SNTG1: variants seen among roughly 807,000 people sequenced by gnomAD.
SNTG1 encodes the protein gamma-1-syntrophin.
Under a neutral mutation model 74.7 loss-of-function variants are expected in SNTG1, and 39 were observed. That is an observed-to-expected ratio of 0.52 (90% confidence interval 0.40 to 0.68). SNTG1 has a LOEUF of 0.68. SNTG1 is among the 30% of genes least tolerant of loss of function. SNTG1 has a pLI of 0.00. For missense variants in SNTG1, 685 were observed against 609.5 expected, an observed-to-expected ratio of 1.12 and a Z score of -1.30; for synonymous variants, 254 against 217.1, an observed-to-expected ratio of 1.17 and a Z score of -1.49.
chr8:50,211,529 C>A (rs2084520758), intron 2 of SNTG1, among the ~76,000 whole-genome samples: 1 of 151,938 alleles, frequency 6.6e-6, no homozygotes, highest in South Asian at 2.1e-4. Flanking sequence ...CTCAGTTGCA[C>A]CAATGAGATT....
chr8:50,485,517 G>A (rs993400645), intron 8 of SNTG1, among the ~76,000 whole-genome samples: 5 of 151,420 alleles, frequency 3.3e-5, no homozygotes, highest in Non-Finnish European at 7.4e-5. Context: ...TGATGGGGTT[G>A]TTTGTTTTTT....
At chr8:50,697,292 T>C (rs1563756215) in intron 15 of SNTG1, among the ~76,000 whole-genome samples, 2 of 152,166 alleles carry the variant, frequency 1.3e-5, no homozygotes, top group Non-Finnish European at 2.9e-5. Flanking sequence ...TGTGAAACTT[T>C]ATTGAATTTA....
intron 1 of SNTG1, among the ~76,000 whole-genome samples, chr8:50,051,269 CAA>C (rs61474153): frequency 4.0e-5 from 6 of 149,252 alleles, no homozygotes; most frequent in South Asian, 2.1e-4. Flanking sequence ...CACACACACA[CAA>C]ACAAACAAGA....
At chr8:50,129,965 C>A (rs1486086613) in intron 1 of SNTG1, among the ~76,000 whole-genome samples, 1 of 151,920 alleles carries the variant, frequency 6.6e-6, no homozygotes, top group Admixed American at 6.6e-5. Flanking sequence ...ACCAGAAATT[C>A]ATATAAAGAG....
At chr8:50,725,327 C>G (rs943402849) in intron 17 of SNTG1, among the ~76,000 whole-genome samples, 20 of 152,082 alleles carry the variant, frequency 1.3e-4, no homozygotes, top group African/African-American at 4.8e-4. Flanking sequence ...TTCTTATCAA[C>G]TTTATGATAT....
chr8:50,154,118 C>T (rs2082171733), intron 1 of SNTG1, among the ~76,000 whole-genome samples: 1 of 152,116 alleles, frequency 6.6e-6, no homozygotes. Context: ...ACCCCTCCCC[C>T]AGCCTCGCTG....
At chr8:50,254,036 C>T (rs547849052) in intron 2 of SNTG1, among the ~76,000 whole-genome samples, 28 of 151,924 alleles carry the variant, frequency 1.8e-4, no homozygotes, top group Non-Finnish European at 1.6e-4. Flanking sequence ...AAAACAGAAA[C>T]GAGAGGATTT....
chr8:50,007,685 G>A (rs1186074151), intron 1 of SNTG1, among the ~76,000 whole-genome samples: 1 of 152,188 alleles, frequency 6.6e-6, no homozygotes, highest in East Asian at 1.9e-4. Flanking sequence ...AAGAGTCACA[G>A]TGAGCTAAGA....
intron 13 of SNTG1, among the ~76,000 whole-genome samples, chr8:50,599,064 A>T (rs1488349355): frequency 6.6e-6 from 1 of 151,996 alleles, no homozygotes; most frequent in Non-Finnish European, 1.5e-5. Context: ...CACATCATGG[A>T]AAATGGAGTG....
chr8:50,792,896 G>A lies in SNTG1; in HGVS notation c.*67G>A. 1.4e-6 allele frequency: 2 copies of A among 1,457,032 alleles called. No homozygotes were observed. The highest frequency in any genetic ancestry group is 1.8e-6 in the Non-Finnish European group (2 of 1,097,496). The allele number at this position is 1,457,032 out of a possible 1,614,324, so 90.3% of individuals were successfully genotyped here. Reference sequence around the variant, plus strand: ...CAGGACACATTTACTCATCATTTTAGACCCTAGAGAAACCATAACATCACC... The same window carrying A: ...CAGGACACATTTACTCATCATTTTAAACCCTAGAGAAACCATAACATCACC... On this transcript the variant is annotated 3_prime_UTR_variant, in exon 19 of 19. Transcript: ENST00000642720.
chr8:50,786,255 G>GA (rs2095674834), intron 18 of SNTG1, among the ~76,000 whole-genome samples: 1 of 151,672 alleles, frequency 6.6e-6, no homozygotes, highest in Non-Finnish European at 1.5e-5. Context: ...GTAAAATTAA[G>GA]AAAAAATTTC....
chr8:50,545,956 G>A (rs1179934929), intron 11 of SNTG1, among the ~76,000 whole-genome samples: 1 of 152,092 alleles, frequency 6.6e-6, no homozygotes, highest in East Asian at 1.9e-4. Context: ...CTTAATTCAT[G>A]GTTGTTCATT....
intron 1 of SNTG1, among the ~76,000 whole-genome samples, chr8:50,122,495 C>G (rs1342803480): frequency 7.1e-6 from 1 of 141,566 alleles, no homozygotes; most frequent in Non-Finnish European, 1.6e-5. Flanking sequence ...GCCCTTTGGA[C>G]CTCATCTTCA....
At chr8:50,240,732 A>G (rs2086128541) in intron 2 of SNTG1, among the ~76,000 whole-genome samples, 3 of 152,152 alleles carry the variant, frequency 2.0e-5, no homozygotes, top group South Asian at 2.1e-4. Context: ...TCCCTCACCC[A>G]TAAGTACTTT....
chr8:50,449,603 T>A (rs570553881), intron 5 of SNTG1, 65 bp from the exon 6 acceptor site: 1 of 1,314,534 alleles, frequency 7.6e-7, no homozygotes, highest in East Asian at 2.5e-5. Context: ...GCCTGTATGG[T>A]TTCTTAGCTA....
At chr8:50,566,107 G>T (rs1362603462) in intron 12 of SNTG1, among the ~76,000 whole-genome samples, 3 of 151,822 alleles carry the variant, frequency 2.0e-5, no homozygotes, top group Admixed American at 1.3e-4. Context: ...GGAGTTAAAT[G>T]TCCATCCTCT....
At chr8:49,983,115 TA>T (rs1341791691) in intron 1 of SNTG1, among the ~76,000 whole-genome samples, 1 of 152,194 alleles carries the variant, frequency 6.6e-6, no homozygotes, top group Non-Finnish European at 1.5e-5. Context: ...TCATGGACCG[TA>T]AAACCTCAAG....
chr8:50,421,952 G>A (rs1032837550), intron 4 of SNTG1, among the ~76,000 whole-genome samples: 1 of 152,142 alleles, frequency 6.6e-6, no homozygotes, highest in Non-Finnish European at 1.5e-5. Flanking sequence ...GAGGGAGAAA[G>A]GAGGAAGATT....
At chr8:50,145,858 T>C (rs1677720308) in intron 1 of SNTG1, among the ~76,000 whole-genome samples, 1 of 151,600 alleles carries the variant, frequency 6.6e-6, no homozygotes, top group Non-Finnish European at 1.5e-5. Flanking sequence ...AATAATAAAA[T>C]TCAAATACAT....
Sources: allele counts gnomAD v4.1 joint callset (sites outside exome capture counted in the v4.1 genomes callset), GRCh38; gene constraint gnomAD v4.1.1; transcripts MANE v1.5; gene names NCBI Gene and HGNC (gene_info 2026-07-23, HGNC 2026-07-21).